The following LIPA variants were observed in gnomAD, a reference collection of about 807,000 sequenced individuals.
LIPA encodes lipase A, lysosomal acid type, also known as lysosomal acid lipase/cholesteryl ester hydrolase.
In LIPA, 26 loss-of-function variants were observed where a neutral mutation model predicts 40.6. The ratio of observed to expected loss-of-function variants is 0.64; its 90% CI spans 0.47 to 0.89. LIPA has a LOEUF of 0.89. Among genes scored for constraint, LIPA ranks in the 40% least tolerant of loss-of-function variants. The probability of loss-of-function intolerance (pLI) is 0.00; values close to 1 mark genes in which losing one functional copy is unlikely to be tolerated. For missense variants in LIPA, 455 were observed against 479.6 expected (o/e 0.95, Z 0.48); for synonymous variants, 188 against 168.4 (o/e 1.12, Z -0.90).
chr10:89,238,698 G>A (rs1481679034), intron 3 of LIPA, among the ~76,000 whole-genome samples: 1 of 151,992 alleles, frequency 6.6e-6, no homozygotes, highest in Non-Finnish European at 1.5e-5. Flanking sequence ...TTAATGAATA[G>A]TAAATACATC....
intron 1 of LIPA, among the ~76,000 whole-genome samples, chr10:89,285,844 AC>A (rs1217330264): frequency 1.4e-5 from 2 of 145,398 alleles, no homozygotes; most frequent in Non-Finnish European, 3.0e-5. Context: ...GGGTGCAAGA[AC>A]CCCCCACCCC....
At chr10:89,240,262 A>G (rs565746809) in intron 3 of LIPA, among the ~76,000 whole-genome samples, 55 of 152,298 alleles carry the variant, frequency 3.6e-4, no homozygotes, top group African/African-American at 1.2e-3. Flanking sequence ...GAAGAAGTCA[A>G]TATCAGAGAC....
upstream of LIPA, among the ~76,000 whole-genome samples, chr10:89,253,511 A>G (rs1347729415): frequency 6.6e-6 from 1 of 152,168 alleles, no homozygotes; most frequent in East Asian, 1.9e-4. Context: ...CTCCCACAAC[A>G]TGTGGGAATT....
chr10:89,292,886 C>A (rs1432739288), intron 1 of LIPA, among the ~76,000 whole-genome samples: 1 of 151,708 alleles, frequency 6.6e-6, no homozygotes, highest in Admixed American at 6.6e-5. Context: ...TGGCCTCAAG[C>A]AATTCTCCTG....
chr10:89,297,674 C>A (rs748907622), intron 1 of LIPA, among the ~76,000 whole-genome samples: 5 of 152,338 alleles, frequency 3.3e-5, no homozygotes, highest in Non-Finnish European at 5.9e-5. Context: ...GTGACCCTAC[C>A]CTTAGCAGCA....
intron 8 of LIPA, among the ~76,000 whole-genome samples, chr10:89,219,413 A>G (rs535344020): frequency 5.9e-5 from 9 of 152,212 alleles, no homozygotes; most frequent in Non-Finnish European, 1.3e-4. Flanking sequence ...AAGTAATATC[A>G]AGTCTTGGCT....
chr10:89,227,720 A>G (rs375360033), intron 4 of LIPA, among the ~76,000 whole-genome samples: 36 of 152,330 alleles, frequency 2.4e-4, no homozygotes, highest in African/African-American at 7.9e-4. Context: ...TTAAGCCCCC[A>G]GTGACCTTAT....
intron 2 of LIPA, among the ~76,000 whole-genome samples, chr10:89,365,284 T>G (rs1844048768): frequency 6.6e-6 from 1 of 152,220 alleles, no homozygotes; most frequent in African/African-American, 2.4e-5. Flanking sequence ...GGAACACAGC[T>G]AAAGATAAAA....
intron 3 of LIPA, among the ~76,000 whole-genome samples, chr10:89,243,984 G>A (rs1480676781): frequency 6.6e-6 from 1 of 151,724 alleles, no homozygotes; most frequent in African/African-American, 2.4e-5. Flanking sequence ...ATTCTTTGGG[G>A]GAAAAAAAAG....
rs1460522079 is a variant in LIPA, at chr10:89,228,408, A to T, written c.230-10T>A. 1.2e-6 allele frequency: 2 copies of T among 1,613,758 alleles called. No individual in the cohort carries two copies. Among genetic ancestry groups the T allele is most frequent in the South Asian group, 1.1e-5 (1 of 91,074 alleles). ...ACAACTGGTTTGGGACCTGAAAAAC[A>T]TTCATTGTTTAGGAGGCAGTAGCAC... On this transcript the variant is annotated splice_polypyrimidine_tract_variant and intron_variant, in intron 3 of 9. Transcript: ENST00000336233.
At chr10:89,275,020 T>C (rs1843282856) in intron 1 of LIPA, among the ~76,000 whole-genome samples, 1 of 152,130 alleles carries the variant, frequency 6.6e-6, no homozygotes, top group African/African-American at 2.4e-5. Context: ...CTGAGCTAGG[T>C]AAAGAAGTAG....
intron 2 of LIPA, among the ~76,000 whole-genome samples, chr10:89,376,207 A>AG (rs1312329285): frequency 7.0e-4 from 105 of 150,982 alleles, no homozygotes; most frequent in South Asian, 2.1e-3. Flanking sequence ...AAAAAAAAAA[A>AG]AAGAAGAAGA....
chr10:89,376,928 T>C (rs943927685), intron 2 of LIPA, among the ~76,000 whole-genome samples: 2 of 152,098 alleles, frequency 1.3e-5, no homozygotes, highest in African/African-American at 4.8e-5. Flanking sequence ...ACAGTTTCAT[T>C]TGGTAATTAT....
At chr10:89,360,087 C>A (rs1309680939) in intron 2 of LIPA, among the ~76,000 whole-genome samples, 2 of 152,110 alleles carry the variant, frequency 1.3e-5, no homozygotes, top group East Asian at 3.8e-4. Context: ...GGGTTGTTAA[C>A]CAGGTTCCCT....
chr10:89,414,016 CTT>C (rs1292578837), intron 1 of LIPA, among the ~76,000 whole-genome samples: 1 of 152,186 alleles, frequency 6.6e-6, no homozygotes, highest in African/African-American at 2.4e-5. Context: ...CAATACCACT[CTT>C]GTCTTTATTG....
chr10:89,286,216 C>T (rs1843340263), intron 1 of LIPA, among the ~76,000 whole-genome samples: 1 of 152,092 alleles, frequency 6.6e-6, no homozygotes, highest in Admixed American at 6.5e-5. Flanking sequence ...CCCAATGCAA[C>T]TCATCCCAAA....
chr10:89,370,637 G>A (rs1189463072), intron 2 of LIPA, among the ~76,000 whole-genome samples: 2 of 152,120 alleles, frequency 1.3e-5, no homozygotes, highest in African/African-American at 4.8e-5. Context: ...TGCTGTGAGG[G>A]GTTGTTCTGT....
intron 1 of LIPA, among the ~76,000 whole-genome samples, chr10:89,318,219 T>C (rs1843552166): frequency 1.3e-5 from 2 of 152,096 alleles, no homozygotes; most frequent in Non-Finnish European, 2.9e-5. Context: ...CATAACAATA[T>C]TAACCTTAAA....
chr10:89,362,610 G>T (rs1020809876), intron 2 of LIPA: 3 of 347,916 alleles, frequency 8.6e-6, no homozygotes, highest in Admixed American at 7.5e-5. Context: ...GGGCAAATTT[G>T]CCTGGGCGTA....
Sources: gnomAD v4.1 joint callset for allele counts (sites outside exome capture counted in the v4.1 genomes callset) on GRCh38, gnomAD v4.1.1 for gene constraint, MANE v1.5 for transcripts, NCBI Gene and HGNC (gene_info 2026-07-23, HGNC 2026-07-21) for gene names.